The following MCTP1 variants were observed in gnomAD, a reference collection of about 807,000 sequenced individuals.
MCTP1 encodes multiple C2 and transmembrane domain-containing protein 1.
Under a neutral mutation model 120.6 loss-of-function variants are expected in MCTP1, and 69 were observed. The ratio of observed to expected loss-of-function variants is 0.57; its 90% CI spans 0.47 to 0.70. The LOEUF (loss-of-function observed/expected upper bound fraction) is 0.70. Ranked by LOEUF, MCTP1 falls within the 30% of genes least tolerant of loss-of-function variation. The pLI, the probability that MCTP1 is intolerant of heterozygous loss-of-function variation, is 0.00. For missense variants in MCTP1, 1,203 were observed against 1,248.8 expected (o/e 0.96, Z 0.55); for synonymous variants, 529 against 493.1 (o/e 1.07, Z -0.96).
intron 1 of MCTP1, among the ~76,000 whole-genome samples, chr5:95,256,707 T>G (rs1242227752): frequency 2.6e-5 from 4 of 152,128 alleles, no homozygotes; most frequent in Non-Finnish European, 5.9e-5. Flanking sequence ...CCTAATAAAC[T>G]TTTCAGAAAT....
At chr5:94,752,128 T>C (rs1233939492) in intron 19 of MCTP1, among the ~76,000 whole-genome samples, 5 of 101,338 alleles carry the variant, frequency 4.9e-5, no homozygotes, top group Admixed American at 4.9e-4. Flanking sequence ...TATATATATA[T>C]ATATATATAT....
chr5:95,005,907 G>C (rs2153645794), intron 2 of MCTP1, among the ~76,000 whole-genome samples: 1 of 152,180 alleles, frequency 6.6e-6, no homozygotes, highest in Non-Finnish European at 1.5e-5. Context: ...CAGGAGGCTG[G>C]AGCCCATCCC....
At chr5:95,165,131 A>T (rs1746177141) in intron 1 of MCTP1, among the ~76,000 whole-genome samples, 1 of 152,180 alleles carries the variant, frequency 6.6e-6, no homozygotes, top group Non-Finnish European at 1.5e-5. Flanking sequence ...CTGAGTGGTG[A>T]CTTCCCAGAG....
At chr5:95,261,773 T>C (rs1758491763) in intron 1 of MCTP1, among the ~76,000 whole-genome samples, 2 of 152,374 alleles carry the variant, frequency 1.3e-5, no homozygotes, top group South Asian at 4.1e-4. Context: ...TTCTCTGCAA[T>C]GGAGATGTAC....
chr5:94,740,576 G>A (rs1478706532), intron 19 of MCTP1, among the ~76,000 whole-genome samples: 12 of 152,162 alleles, frequency 7.9e-5, no homozygotes. Context: ...CAGAAATTCA[G>A]GCTGTTGGAT....
intron 2 of MCTP1, among the ~76,000 whole-genome samples, chr5:94,973,819 AG>A: frequency 6.6e-6 from 1 of 152,226 alleles, no homozygotes; most frequent in Non-Finnish European, 1.5e-5. Flanking sequence ...GAGATGGTTT[AG>A]TGTGGTACAG....
chr5:94,875,515 A>G (rs899352568), intron 12 of MCTP1, among the ~76,000 whole-genome samples: 11 of 152,028 alleles, frequency 7.2e-5, no homozygotes, highest in African/African-American at 2.7e-4. Context: ...GAGGAGTGAC[A>G]TGCTCTGATG....
chr5:94,988,747 G>A (rs906196449), intron 2 of MCTP1, among the ~76,000 whole-genome samples: 3 of 152,014 alleles, frequency 2.0e-5, no homozygotes. Context: ...CCGAGACTGG[G>A]GAATTTATAA....
intron 17 of MCTP1, among the ~76,000 whole-genome samples, chr5:94,856,371 A>G (rs1794725703): frequency 6.6e-6 from 1 of 151,736 alleles, no homozygotes; most frequent in Non-Finnish European, 1.5e-5. Context: ...ATTGTCCTTG[A>G]GGATTAAGGA....
chr5:94,717,389 T>C (rs559297474), intron 19 of MCTP1, among the ~76,000 whole-genome samples: 3 of 152,240 alleles, frequency 2.0e-5, no homozygotes, highest in Non-Finnish European at 4.4e-5. Context: ...AAAAGGGCCA[T>C]TTATGACAAA....
intron 7 of MCTP1, among the ~76,000 whole-genome samples, chr5:94,923,739 G>A (rs984537288): frequency 6.6e-6 from 1 of 152,116 alleles, no homozygotes; most frequent in Non-Finnish European, 1.5e-5. Flanking sequence ...TTCATAAAAT[G>A]ACTTCAAAGA....
At chr5:94,847,680 GTGTATATA>G (rs1178793257) in intron 17 of MCTP1, among the ~76,000 whole-genome samples, 73 of 108,432 alleles carry the variant, frequency 6.7e-4, no homozygotes, top group African/African-American at 2.3e-3. Context: ...GTGTGTGTGT[GTGTATATA>G]TATATATATA....
At chr5:95,078,110 C>G (rs1312478573) in intron 1 of MCTP1, among the ~76,000 whole-genome samples, 1 of 151,404 alleles carries the variant, frequency 6.6e-6, no homozygotes. Flanking sequence ...GAAAGTTACC[C>G]AAGAATTTCA....
intron 19 of MCTP1, among the ~76,000 whole-genome samples, chr5:94,720,856 C>T (rs767732976): frequency 1.3e-5 from 2 of 152,152 alleles, no homozygotes; most frequent in Non-Finnish European, 2.9e-5. Flanking sequence ...TATAAACAGA[C>T]ACTCATTAAG....
At chr5:95,280,539 T>C (rs1362637513) in intron 1 of MCTP1, among the ~76,000 whole-genome samples, 1 of 152,230 alleles carries the variant, frequency 6.6e-6, no homozygotes, top group Non-Finnish European at 1.5e-5. Context: ...ATTTTTGATA[T>C]GCACACAAAT....
At chr5:95,049,587 A>G (rs898179135) in intron 1 of MCTP1, among the ~76,000 whole-genome samples, 2 of 152,228 alleles carry the variant, frequency 1.3e-5, no homozygotes, top group Admixed American at 1.3e-4. Flanking sequence ...CACCCAGGAA[A>G]GTGATCATCT....
chr5:94,925,594 A>G (rs1812876316), intron 6 of MCTP1, among the ~76,000 whole-genome samples: 1 of 152,132 alleles, frequency 6.6e-6, no homozygotes, highest in Non-Finnish European at 1.5e-5. Flanking sequence ...ATTTTTTAGT[A>G]GAGACGGGGT....
intron 17 of MCTP1, among the ~76,000 whole-genome samples, chr5:94,851,104 A>G (rs1441699225): frequency 6.6e-6 from 1 of 152,152 alleles, no homozygotes; most frequent in South Asian, 2.1e-4. Flanking sequence ...GCAAAAATAC[A>G]TCGAATTAAC....
chr5:94,896,512 A>G (rs1804032630), intron 10 of MCTP1, among the ~76,000 whole-genome samples: 1 of 151,868 alleles, frequency 6.6e-6, no homozygotes, highest in Non-Finnish European at 1.5e-5. Flanking sequence ...ATGTCTTCTG[A>G]AGGATTTTCT....
Sources: gnomAD v4.1 joint callset for allele counts (sites outside exome capture counted in the v4.1 genomes callset) on GRCh38, gnomAD v4.1.1 for gene constraint, MANE v1.5 for transcripts, NCBI Gene and HGNC (gene_info 2026-07-23, HGNC 2026-07-21) for gene names.